The following MUC5B variants were observed in gnomAD, a reference collection of about 807,000 sequenced individuals.
MUC5B encodes the protein mucin 5B, oligomeric mucus/gel-forming, also known as mucin-5B.
Under a neutral mutation model 376.9 loss-of-function variants are expected in MUC5B, and 116 were observed. The ratio of observed to expected loss-of-function variants is 0.31; its 90% CI spans 0.26 to 0.36. The LOEUF (loss-of-function observed/expected upper bound fraction) is 0.36, where lower values mean the gene tolerates loss of function less well. Among genes scored for constraint, MUC5B ranks in the 10% least tolerant of loss-of-function variants. The probability of loss-of-function intolerance (pLI) is 1.00; values close to 1 mark genes in which losing one functional copy is unlikely to be tolerated. For missense variants in MUC5B, 7,165 were observed against 7,769.9 expected (o/e 0.92, Z 2.93); for synonymous variants, 3,517 against 3,390.9 (o/e 1.04, Z -1.29).
intron 29 of MUC5B, 29 bp downstream of exon 29, chr11:1,240,117 C>T (rs375493353): frequency 6.9e-5 from 108 of 1,562,018 alleles, no homozygotes; most frequent in Admixed American, 2.0e-4. Context: ...GTTAGTGGGC[C>T]GGTGAAGGCT....
rs1297256045 is a variant in MUC5B at position 1,244,513 on chromosome 11, C to A, written c.7633C>A (p.Leu2545Met). The A allele has an allele frequency of 2.6e-6, 4 of 1,540,804 alleles. No individual in the cohort carries two copies. The East Asian group carries it at 8.9e-5, about 34-fold the overall frequency. ...CTTTACAGCCATCCCCTCCTCCTCC[C>A]TGGGCACCACCTGGACCCGCCTATC... Reference protein sequence around the residue: ...TSFTAIPSSSLGTTWTRLSQT... With the variant: ...TSFTAIPSSSMGTTWTRLSQT... The change falls in exon 31 of 49, where the codon CTG (leucine) becomes ATG (methionine). Residue 2545 changes from leucine (L) to methionine (M), a missense_variant. Physicochemically the swap from Leu to Met is conservative, Grantham distance 15. This residue lies in a region of MUC5B where 194 missense variants were observed against 268.5 expected (regional missense o/e 0.72). Transcript: ENST00000529681.
chr11:1,229,613 T>A, intron 9 of MUC5B, 77 bp from the exon 10 acceptor site: 1 of 1,291,620 alleles, frequency 7.7e-7, no homozygotes, highest in East Asian at 2.6e-5. Flanking sequence ...GGAGGCAGCT[T>A]GTCCCCAAGG....
chr11:1,260,476 A>G, intron 47 of MUC5B, 83 bp downstream of exon 47: 1 of 1,535,994 alleles, frequency 6.5e-7, no homozygotes, highest in Non-Finnish European at 9.0e-7. Flanking sequence ...CATCTGCACT[A>G]GGCAGCAGTG....
At chr11:1,229,646 TC>T (rs1861975639) in intron 9 of MUC5B, 43 bp from the exon 10 acceptor site, 1 of 1,476,956 alleles carries the variant, frequency 6.8e-7, no homozygotes. Context: ...GACCTTGGTG[TC>T]CCCCGTGCAT....
chr11:1,235,239 G>A lies in MUC5B; in HGVS notation c.2769+16G>A, dbSNP rs569380680. On this transcript the variant is annotated intron_variant, in intron 22 of 48. Transcript: ENST00000529681. ...CTTGGCCCAGGTACGCCGCCCCCTC[G>A]CCCACTCCTGCAGGCCGGGCACACT... The A allele has an allele frequency of 1.4e-5, 22 of 1,611,652 alleles. 1 individual carries two copies. Among genetic ancestry groups the A allele is most frequent in the Middle Eastern group, 3.3e-4 (2 of 6,050 alleles).
rs769185350 is a variant in MUC5B, at chr11:1,239,817, C to T, written c.3602C>T (p.Pro1201Leu). Residue 1201 changes from proline (P) to leucine (L), a missense_variant, in exon 28 of 49, where the codon CCA becomes CTA. By Grantham distance (98) the Pro-to-Leu change is moderately conservative. This residue lies in a region of MUC5B where 517 missense variants were observed against 545.3 expected (regional missense o/e 0.95). Coordinates refer to ENST00000529681, the MANE Select transcript of MUC5B (RefSeq NM_002458.3). The part of the protein sequence containing the change: ...PGLEGCYPKC[P>L]PSQPFFNEDQ... ...GCCCTAGGCTGCTACCCGAAGTGCC[C>T]ACCCAGCCAGCCCTTCTTCAATGAG... 2.5e-6 allele frequency: 4 copies of T among 1,611,566 alleles called. No homozygotes were observed. In the South Asian group the frequency reaches 3.3e-5, roughly 13 times the overall value.
chr11:1,230,271 G>C (rs941824824), intron 11 of MUC5B, 128 bp downstream of exon 11: 23 of 1,346,174 alleles, frequency 1.7e-5, no homozygotes, highest in Non-Finnish European at 2.2e-5. Context: ...GGAGCCCTGG[G>C]TCCCCATGAT....
rs767346910 is a variant in MUC5B, at chr11:1,232,697, C to T, written c.1992C>T (p.Ala664=). The T allele has an allele frequency of 1.3e-5, 20 of 1,599,268 alleles. No individual in the cohort carries two copies. Among genetic ancestry groups the T allele is most frequent in the African/African-American group, 4.0e-5 (3 of 74,666 alleles). The change falls in exon 17 of 49, where the codon GCC becomes GCT. Residue 664 remains alanine (A), a synonymous_variant. Coordinates refer to ENST00000529681, the MANE Select transcript of MUC5B (RefSeq NM_002458.3). ...AGCGGAGCGAGGACTGCCTGTGCGC[C>T]GCGCTGTCCTCCTATGTGCACGCCT... is the stretch of plus-strand genomic sequence containing the variant. The part of the protein sequence containing the change: ...NCERSEDCLC[A]ALSSYVHACA...
At position 1,248,589 on chromosome 11, in the gene MUC5B, G is replaced by A. The variant is rs750740093; in HGVS notation, c.11709G>A (p.Thr3903=). 8.7e-6 allele frequency: 14 copies of A among 1,612,454 alleles called. 1 individual carries two copies. In the South Asian group the frequency reaches 9.9e-5, roughly 11 times the overall value. Residue 3903 remains threonine (T), a synonymous_variant, in exon 31 of 49, where the codon ACG becomes ACA. Coordinates refer to ENST00000529681, the MANE Select transcript of MUC5B (RefSeq NM_002458.3). ...CCACACCCACAACCAGTGGCTCCAC[G>A]GTGACCCCCTCCTCCGTCCCGGGGA... ...TTTTPTTSGS[T]VTPSSVPGTT...
chr11:1,245,712 C>G lies in MUC5B; in HGVS notation c.8832C>G (p.Cys2944Trp). ...GCAGCCTGGACTTTGGCCTGGTCTG[C>G]AGGAACCGTGAGCAGGTGGGGAAGT... ...VECSLDFGLV[C>W]RNREQVGKFK... The change falls in exon 31 of 49, where the codon TGC (cysteine) becomes TGG (tryptophan). Residue 2944 changes from cysteine (C) to tryptophan (W), a missense_variant. Physicochemically the swap from Cys to Trp is radical, Grantham distance 215 (BLOSUM62 -2). This residue lies in a region of MUC5B where 57 missense variants were observed against 167.2 expected (regional missense o/e 0.34). Transcript: ENST00000529681. 1 of 1,609,170 alleles carries G rather than the reference C, an allele frequency of 6.2e-7. No individual in the cohort carries two copies. The highest frequency in any genetic ancestry group is 8.5e-7 in the Non-Finnish European group (1 of 1,179,160).
chr11:1,238,535 CAG>C (rs1193226534), intron 25 of MUC5B, among the ~76,000 whole-genome samples: 4 of 152,148 alleles, frequency 2.6e-5, no homozygotes, highest in Non-Finnish European at 5.9e-5. Context: ...GCCACATGAC[CAG>C]ATCCACGTGA....
At chr11:1,237,236 C>G (rs905437194) in intron 25 of MUC5B, 72 bp downstream of exon 25, 2 of 1,312,892 alleles carry the variant, frequency 1.5e-6, no homozygotes, top group Non-Finnish European at 1.9e-6. Context: ...AGAACTGGGT[C>G]TTCTGGGCAG....
chr11:1,234,570 G>T lies in MUC5B; in HGVS notation c.2520G>T (p.Gly840=). The part of the protein sequence containing the change: ...HCVSGCVCPP[G]LVSDGSGGCI... ...TGTCCGGCTGTGTCTGTCCCCCGGG[G>T]CTGGTGTCGGATGGGAGTGGGGGCT... The change falls in exon 21 of 49, where the codon GGG becomes GGT. Residue 840 remains glycine, a synonymous_variant. Coordinates refer to ENST00000529681, the MANE Select transcript of MUC5B (RefSeq NM_002458.3). The surrounding 1 kb of genome is among the most constrained non-coding windows in gnomAD (Gnocchi z 6.3). 3.8e-6 allele frequency: 6 copies of T among 1,581,024 alleles called. No homozygotes were observed. The highest frequency in any genetic ancestry group is 5.2e-6 in the Non-Finnish European group (6 of 1,164,356).
At chr11:1,227,998 A>G (rs1349214095) in intron 7 of MUC5B, among the ~76,000 whole-genome samples, 1 of 152,166 alleles carries the variant, frequency 6.6e-6, no homozygotes. Context: ...CATCTGTGTG[A>G]GCAAACACAG....
At chr11:1,252,149 G>A (rs943257936) in intron 31 of MUC5B, among the ~76,000 whole-genome samples, 194 bp from the exon 32 acceptor site, 1 of 150,232 alleles carries the variant, frequency 6.7e-6, no homozygotes, top group Non-Finnish European at 1.5e-5. Context: ...GGCCACACTC[G>A]GTCCCCACTG....
chr11:1,257,046 G>C lies in MUC5B; in HGVS notation c.16238-194G>C, dbSNP rs561027158. On this transcript the variant is annotated intron_variant, in intron 39 of 48. Coordinates refer to ENST00000529681, the MANE Select transcript of MUC5B (RefSeq NM_002458.3). The surrounding 1 kb of genome is among the most constrained non-coding windows in gnomAD (Gnocchi z 8.9). ...CCTGCCTCCCACCACCATGGACGAG[G>C]CTTCCATGCACTGACAGCTGGGCTC... Among the ~76,000 whole-genome samples the C allele has an allele frequency of 6.6e-6, 1 of 152,182 alleles. No individual in the cohort carries two copies. The highest frequency in any genetic ancestry group is 1.5e-5 in the Non-Finnish European group (1 of 68,038).
At position 1,236,945 on chromosome 11, in the gene MUC5B, C is replaced by T. The variant is rs80092233; in HGVS notation, c.3078C>T (p.Cys1026=). The T allele has an allele frequency of 3.3e-5, 49 of 1,496,628 alleles. No individual in the cohort carries two copies. In the African/African-American group the frequency reaches 4.2e-4, roughly 13 times the overall value. 92.7% of individuals were successfully genotyped at this position (1,496,628 alleles called of 1,614,324 possible). ...QDYKGRVCGL[C]GNFDDNAIND... ...TGCAGGGCAGGGTCTGCGGCCTGTGCGGGAACTTCGACGACAATGCCATCA... is the reference window on the plus strand; with the variant it reads ...TGCAGGGCAGGGTCTGCGGCCTGTGTGGGAACTTCGACGACAATGCCATCA... Residue 1026 remains cysteine (C), a synonymous_variant, in exon 25 of 49, where the codon TGC becomes TGT. Coordinates refer to ENST00000529681, the MANE Select transcript of MUC5B (RefSeq NM_002458.3).
rs1862021761 is a variant in MUC5B, at chr11:1,231,275, G to C, written c.1541-148G>C. 3 of 1,041,464 alleles carry C rather than the reference G, an allele frequency of 2.9e-6. No individual in the cohort carries two copies. The East Asian group carries it at 8.0e-5, about 28-fold the overall frequency. 64.5% of individuals were successfully genotyped at this position (1,041,464 alleles called of 1,614,324 possible). A position where few individuals can be genotyped will look rare whatever the true frequency, so the allele number is the denominator to read the frequency against. The stretch of plus-strand genomic sequence containing the variant: ...GCCCACTTGGCGGCCACAGGCATGG[G>C]ACAGGGAGCCTGAGGGCTCCTGGCC... On this transcript the variant is annotated intron_variant, in intron 13 of 48. Coordinates refer to ENST00000529681, the MANE Select transcript of MUC5B (RefSeq NM_002458.3).
At chr11:1,254,658 T>C in intron 34 of MUC5B, 36 bp from the exon 35 acceptor site, 1 of 1,593,546 alleles carries the variant, frequency 6.3e-7, no homozygotes, top group Non-Finnish European at 8.6e-7. Context: ...CACCTGGCAC[T>C]GCCTCCCAGC....
Sources: allele counts gnomAD v4.1 joint callset (sites outside exome capture counted in the v4.1 genomes callset), GRCh38; gene constraint gnomAD v4.1.1; regional missense constraint gnomAD v4.1.1; non-coding constraint Gnocchi (gnomAD v3.1); transcripts MANE v1.5; gene names NCBI Gene and HGNC (gene_info 2026-07-23, HGNC 2026-07-21).